Variants in GNPTAB observed in about 807,000 individuals in gnomAD.
The protein encoded by GNPTAB is N-acetylglucosamine-1-phosphate transferase subunits alpha and beta.
Under a neutral mutation model 136.6 loss-of-function variants are expected in GNPTAB, and 92 were observed. That is an observed-to-expected ratio of 0.67 (90% CI 0.57 to 0.80). The LOEUF (loss-of-function observed/expected upper bound fraction) is 0.80. Among genes scored for constraint, GNPTAB ranks in the 30% least tolerant of loss-of-function variants. The pLI is 0.00. For missense variants in GNPTAB, 1,343 were observed against 1,501.8 expected (o/e 0.89, Z 1.75); for synonymous variants, 512 against 535.1 (o/e 0.96, Z 0.60).
chr12:101,810,122 C>G (rs1401722982), intron 1 of GNPTAB, among the ~76,000 whole-genome samples: 2 of 151,902 alleles, frequency 1.3e-5, no homozygotes, highest in African/African-American at 4.8e-5. Context: ...TAGTGTGTGC[C>G]TGTACACCCA....
intron 1 of GNPTAB, among the ~76,000 whole-genome samples, chr12:101,825,157 T>C (rs971991788): frequency 1.3e-5 from 2 of 152,234 alleles, no homozygotes; most frequent in Non-Finnish European, 2.9e-5. Flanking sequence ...CCCTGTGTTG[T>C]TATTCAGTCC....
At chr12:101,796,491 G>GT (rs1019929418) in intron 2 of GNPTAB, 186 bp downstream of exon 2, 548 of 595,934 alleles carry the variant, frequency 9.2e-4, no homozygotes, top group East Asian at 1.0e-3. Context: ...TATCGTTCCA[G>GT]TTTTTTTTTC....
chr12:101,746,217 C>G lies in GNPTAB; in HGVS notation c.*947G>C, dbSNP rs1952731910. On this transcript the variant is annotated 3_prime_UTR_variant, in exon 21 of 21. Coordinates refer to ENST00000299314, the MANE Select transcript of GNPTAB (RefSeq NM_024312.5). Reference sequence around the variant, plus strand: ...CAGCAAGAAGAATGTATGACAAAGACACAGGTGGCCTGCAATAATTTACTA... The same window carrying G: ...CAGCAAGAAGAATGTATGACAAAGAGACAGGTGGCCTGCAATAATTTACTA... 6.6e-6 allele frequency: 1 copy of G among 152,028 alleles called. No individual in the cohort carries two copies. Among genetic ancestry groups the G allele is most frequent in the South Asian group, 2.1e-4 (1 of 4,810 alleles). The allele number at this position is 152,028 out of a possible 1,614,324, so 9.4% of individuals were successfully genotyped here.
At chr12:101,754,512 AG>A (rs1273599061) in intron 18 of GNPTAB, among the ~76,000 whole-genome samples, 31 of 152,166 alleles carry the variant, frequency 2.0e-4, no homozygotes, top group African/African-American at 7.2e-4. Flanking sequence ...TAAATAATTG[AG>A]AGAGAGAGAC....
At chr12:101,776,734 C>T (rs1210995298) in intron 7 of GNPTAB, among the ~76,000 whole-genome samples, 1 of 152,184 alleles carries the variant, frequency 6.6e-6, no homozygotes, top group African/African-American at 2.4e-5. Context: ...TGGCTCATTC[C>T]TTAAGCAGCC....
At chr12:101,800,273 C>T (rs1232560638) in intron 1 of GNPTAB, among the ~76,000 whole-genome samples, 4 of 151,634 alleles carry the variant, frequency 2.6e-5, no homozygotes, top group Non-Finnish European at 5.9e-5. Flanking sequence ...TCGCCTGAGC[C>T]CAGGAGCTCA....
chr12:101,795,760 A>G (rs1322347374), intron 2 of GNPTAB: 1 of 151,984 alleles, frequency 6.6e-6, no homozygotes, highest in Non-Finnish European at 1.5e-5. Flanking sequence ...CCAAAAAAAA[A>G]TAAAAATAAA....
chr12:101,830,649 C>T lies in GNPTAB; in HGVS notation c.27G>A (p.Gln9=), dbSNP rs222504. Reference sequence around the variant, plus strand: ...ACCTGTGGGACAGGCAGGTATAGGTCTGTCTCTGCAGGAGCTTGAACAGCA... The same window carrying T: ...ACCTGTGGGACAGGCAGGTATAGGTTTGTCTCTGCAGGAGCTTGAACAGCA... MLFKLLQR[Q]TYTCLSHRYG... The change falls in exon 1 of 21, where the codon CAG becomes CAA. Residue 9 remains glutamine (Q), a synonymous_variant. Coordinates refer to ENST00000299314, the MANE Select transcript of GNPTAB (RefSeq NM_024312.5). 8.9e-3 allele frequency: 14,279 copies of T among 1,610,828 alleles called. 1,038 individuals are homozygous for T. In the African/African-American group the frequency reaches 0.16, roughly 18 times the overall value.
At chr12:101,749,837 A>G (rs535728897) in intron 19 of GNPTAB, among the ~76,000 whole-genome samples, 2 of 152,320 alleles carry the variant, frequency 1.3e-5, no homozygotes, top group Admixed American at 6.5e-5. Flanking sequence ...CATGGGGGGA[A>G]CTAAGCCAGG....
chr12:101,796,798 A>C lies in GNPTAB; in HGVS notation c.118-36T>G, dbSNP rs73394420. The C allele has an allele frequency of 8.1e-4, 1,043 of 1,287,744 alleles. 9 individuals carry two copies. In the African/African-American group the frequency reaches 0.013, roughly 16 times the overall value. The allele number at this position is 1,287,744 out of a possible 1,614,324, so 79.8% of individuals were successfully genotyped here. On this transcript the variant is annotated intron_variant, in intron 1 of 20. Coordinates refer to ENST00000299314, the MANE Select transcript of GNPTAB (RefSeq NM_024312.5). Reference sequence around the variant, plus strand: ...GAAAAAGAAACGTTTTCTTCGCATCAAAGACTAAGAGTATATAACTTTCAT... The same window carrying C: ...GAAAAAGAAACGTTTTCTTCGCATCCAAGACTAAGAGTATATAACTTTCAT...
chr12:101,764,262 T>A lies in GNPTAB; in HGVS notation c.2655A>T (p.Thr885=), dbSNP rs749436226. The change falls in exon 13 of 21, where the codon ACA becomes ACT. Residue 885 remains threonine, a synonymous_variant. Transcript: ENST00000299314. ...VLLGRKLQHY[T]DSYLGFLPWE... ...ATGGCAAAAAGCCCAAGTAACTATC[T>A]GTGTAATGCTGCAGCTTTCTTCCAA... 5.0e-6 allele frequency: 8 copies of A among 1,613,812 alleles called. No homozygotes were observed. Among genetic ancestry groups the A allele is most frequent in the Non-Finnish European group, 6.8e-6 (8 of 1,179,954 alleles).
At chr12:101,752,446 C>G (rs538565119) in intron 19 of GNPTAB, among the ~76,000 whole-genome samples, 18 of 152,084 alleles carry the variant, frequency 1.2e-4, no homozygotes, top group Non-Finnish European at 2.5e-4. Flanking sequence ...ACAAAACAAA[C>G]TGCTTAACCT....
intron 5 of GNPTAB, among the ~76,000 whole-genome samples, chr12:101,784,364 G>C (rs1234796231): frequency 6.6e-6 from 1 of 152,202 alleles, no homozygotes; most frequent in Non-Finnish European, 1.5e-5. Flanking sequence ...GACACTGACA[G>C]CTGCAATGTG....
chr12:101,805,878 T>C (rs1799113826), intron 1 of GNPTAB, among the ~76,000 whole-genome samples: 1 of 152,210 alleles, frequency 6.6e-6, no homozygotes, highest in South Asian at 2.1e-4. Flanking sequence ...TTCTGTACGA[T>C]AATCACCATT....
chr12:101,770,763 C>A (rs1953159300), intron 8 of GNPTAB, among the ~76,000 whole-genome samples, 178 bp from the exon 9 acceptor site: 1 of 151,982 alleles, frequency 6.6e-6, no homozygotes, highest in Admixed American at 6.6e-5. Flanking sequence ...ATTTTTAAAC[C>A]CAAAATTCAA....
At chr12:101,811,418 G>A (rs1870228348) in intron 1 of GNPTAB, among the ~76,000 whole-genome samples, 1 of 149,762 alleles carries the variant, frequency 6.7e-6, no homozygotes, top group Non-Finnish European at 1.5e-5. Flanking sequence ...TATCTCTGTG[G>A]ATTAGTCTGT....
intron 5 of GNPTAB, among the ~76,000 whole-genome samples, chr12:101,782,614 T>C (rs952967277): frequency 3.9e-5 from 6 of 152,212 alleles, no homozygotes; most frequent in African/African-American, 7.2e-5. Flanking sequence ...AGAAGCCAGA[T>C]TGACTGCCTG....
At chr12:101,802,808 G>A (rs1869722251) in intron 1 of GNPTAB, among the ~76,000 whole-genome samples, 1 of 152,236 alleles carries the variant, frequency 6.6e-6, no homozygotes, top group South Asian at 2.1e-4. Flanking sequence ...ATGGGAAACT[G>A]TGCCTACCTC....
In GNPTAB at chr12:101,761,376, G is replaced by A; in HGVS notation, c.2916-30C>T. 4 of 1,594,468 alleles carry A rather than the reference G, an allele frequency of 2.5e-6. No homozygotes were observed. In the South Asian group the frequency reaches 3.3e-5, roughly 13 times the overall value. On this transcript the variant is annotated intron_variant, in intron 14 of 20. Coordinates refer to ENST00000299314, the MANE Select transcript of GNPTAB (RefSeq NM_024312.5). ...CCAAATATAACATATTACAAACTCT[G>A]GATATTCAAAGTATGTACCGTATCT... is the stretch of plus-strand genomic sequence containing the variant.
Sources: allele counts gnomAD v4.1 joint callset (sites outside exome capture counted in the v4.1 genomes callset), GRCh38; gene constraint gnomAD v4.1.1; transcripts MANE v1.5; gene names NCBI Gene and HGNC (gene_info 2026-07-23, HGNC 2026-07-21).